The following A2M variants were observed in gnomAD, a reference collection of about 807,000 sequenced individuals.
A2M encodes alpha-2-macroglobulin.
A2M carries 128 observed loss-of-function variants against 183.9 expected under a neutral mutation model. The ratio of observed to expected loss-of-function variants is 0.70; its 90% CI spans 0.60 to 0.81. The LOEUF (loss-of-function observed/expected upper bound fraction) is 0.81. Among genes scored for constraint, A2M ranks in the 30% least tolerant of loss-of-function variants. The probability of loss-of-function intolerance (pLI) is 0.00; values close to 1 mark genes in which losing one functional copy is unlikely to be tolerated. For missense variants in A2M, 1,495 were observed against 1,787.6 expected (o/e 0.84, Z 2.95); for synonymous variants, 592 against 670.8 (o/e 0.88, Z 1.81).
chr12:9,111,684 A>G (rs905021497), intron 4 of A2M, among the ~76,000 whole-genome samples: 1 of 152,176 alleles, frequency 6.6e-6, no homozygotes, highest in Non-Finnish European at 1.5e-5. Context: ...AGAAAAATGA[A>G]GACTTTGGGT....
At chr12:9,102,727 A>G (rs1592380683) in intron 11 of A2M, among the ~76,000 whole-genome samples, 1 of 152,208 alleles carries the variant, frequency 6.6e-6, no homozygotes, top group East Asian at 1.9e-4. Flanking sequence ...GTGACAACAC[A>G]TATATGATCA....
intron 28 of A2M, among the ~76,000 whole-genome samples, chr12:9,075,123 A>T (rs1411217236): frequency 2.0e-5 from 3 of 152,212 alleles, no homozygotes; most frequent in African/African-American, 4.8e-5. Context: ...AGTTTGTTAC[A>T]TTTCCTATAA....
chr12:9,079,952 T>C (rs762881776), intron 23 of A2M, 137 bp from the exon 24 acceptor site: 6 of 1,016,760 alleles, frequency 5.9e-6, no homozygotes, highest in Non-Finnish European at 6.9e-6. Flanking sequence ...AGAAGTATGA[T>C]TGAAAGCAAT....
chr12:9,077,692 A>G lies in A2M; in HGVS notation c.3276+9T>C. On this transcript the variant is annotated intron_variant, in intron 26 of 35. Transcript: ENST00000318602. ...TGGACAAATCAAAACTAGCTCCAGA[A>G]TGATTCACCTTTATGGCATTGTTGA... The G allele has an allele frequency of 1.2e-6, 2 of 1,613,150 alleles. No individual in the cohort carries two copies. The highest frequency in any genetic ancestry group is 1.1e-5 in the South Asian group (1 of 91,006).
chr12:9,079,585 G>C lies in A2M; in HGVS notation c.3031+54C>G, dbSNP rs1292329890. On this transcript the variant is annotated intron_variant, in intron 24 of 35. Transcript: ENST00000318602. ...ATTCATAAGTAACTGAAACCTACTGGGAAATCCAGTTGAAATAACATTCAA... is the reference window on the plus strand; with the variant it reads ...ATTCATAAGTAACTGAAACCTACTGCGAAATCCAGTTGAAATAACATTCAA... The C allele has an allele frequency of 2.7e-5, 42 of 1,528,060 alleles. No homozygotes were observed. In the Admixed American group the frequency reaches 7.3e-4, roughly 27 times the overall value. 94.7% of individuals were successfully genotyped at this position (1,528,060 alleles called of 1,614,324 possible).
Position 9,070,432 on chromosome 12 carries a change from G to A in A2M, c.4194+56C>T, listed in dbSNP as rs113042539. 3.7e-3 allele frequency: 4,288 copies of A among 1,150,720 alleles called. 117 individuals are homozygous for A. In the African/African-American group the frequency reaches 0.058, roughly 16 times the overall value. 71.3% of individuals were successfully genotyped at this position (1,150,720 alleles called of 1,614,324 possible). A position where few individuals can be genotyped will look rare whatever the true frequency, so the allele number is the denominator to read the frequency against. On this transcript the variant is annotated intron_variant, in intron 32 of 35. Coordinates refer to ENST00000318602, the MANE Select transcript of A2M (RefSeq NM_000014.6). ...TTTGATATTAGTATTGTCTTATGCTGGGGATACATACATCATTAAATAAAA... is the reference window on the plus strand; with the variant it reads ...TTTGATATTAGTATTGTCTTATGCTAGGGATACATACATCATTAAATAAAA...
chr12:9,113,523 G>A lies in A2M; in HGVS notation c.107C>T (p.Pro36Leu). 6.2e-7 allele frequency: 1 copy of A among 1,613,856 alleles called. No homozygotes were observed. The highest frequency in any genetic ancestry group is 8.5e-7 in the Non-Finnish European group (1 of 1,179,904). Residue 36 changes from proline (P) to leucine (L), a missense_variant, in exon 2 of 36, where the codon CCC becomes CTC. By Grantham distance (98) the Pro-to-Leu change is moderately conservative. Coordinates refer to ENST00000318602, the MANE Select transcript of A2M (RefSeq NM_000014.6). The stretch of plus-strand genomic sequence containing the variant: ...AGTGGTCTCAGTGTGGAGCAGGGAG[G>A]GGACCAGAACCATATACTGCCTGGG... Reference protein sequence around the residue: ...SGKPQYMVLVPSLLHTETTEK... With the variant: ...SGKPQYMVLVLSLLHTETTEK...
intron 10 of A2M, 133 bp from the exon 11 acceptor site, chr12:9,104,533 A>AC: frequency 1.1e-6 from 1 of 919,706 alleles, no homozygotes; most frequent in Non-Finnish European, 1.6e-6. Context: ...AGCAGTGAAA[A>AC]AAAACGAAGT....
intron 11 of A2M, among the ~76,000 whole-genome samples, chr12:9,102,373 C>T (rs1262816627): frequency 6.6e-6 from 1 of 152,072 alleles, no homozygotes; most frequent in Non-Finnish European, 1.5e-5. Context: ...TGCCACCCCA[C>T]CCAGCTAATT....
intron 18 of A2M, among the ~76,000 whole-genome samples, chr12:9,091,774 G>C (rs190176108): frequency 6.6e-6 from 1 of 152,318 alleles, no homozygotes; most frequent in Non-Finnish European, 1.5e-5. Context: ...TAGTGGGCCT[G>C]ACTGAATCTG....
chr12:9,090,641 C>T (rs1441396080), intron 19 of A2M, 159 bp from the exon 20 acceptor site: 4 of 707,300 alleles, frequency 5.7e-6, no homozygotes, highest in Non-Finnish European at 9.0e-6. Flanking sequence ...TTAAGTGGAT[C>T]TTAATGTATC....
At position 9,074,087 on chromosome 12, in the gene A2M, TA is replaced by T. The variant is rs3080599; in HGVS notation, c.3756+472del. 9.1e-3 allele frequency among the ~76,000 whole-genome samples: 1,198 copies of T among 131,552 alleles called. 12 individuals carry two copies. The highest frequency in any genetic ancestry group is 0.022 in the African/African-American group (793 of 35,592). 86.3% of individuals were successfully genotyped at this position (131,552 alleles called of 152,430 possible). On this transcript the variant is annotated intron_variant, in intron 29 of 35. Coordinates refer to ENST00000318602, the MANE Select transcript of A2M (RefSeq NM_000014.6). Reference sequence around the variant, plus strand: ...TAGGTGACAGAGCAAGACTCTGTCTTAAAAAAAAAAAAAAAAAAAAGGTGAA... The same window carrying T: ...TAGGTGACAGAGCAAGACTCTGTCTTAAAAAAAAAAAAAAAAAAAGGTGAA...
At chr12:9,108,972 C>T (rs187182410) in intron 7 of A2M, among the ~76,000 whole-genome samples, 17 of 152,204 alleles carry the variant, frequency 1.1e-4, no homozygotes, top group Admixed American at 3.3e-4. Flanking sequence ...CCCTAATATA[C>T]GTTTGGTTAT....
At position 9,094,977 on chromosome 12, in the gene A2M, A is replaced by T; in HGVS notation, c.2121T>A (p.Phe707Leu). ...MHGPEGLRVG[F>L]YESDVMGRGH... ...ATTTATTAATTTTTTGTTTACCATA[A>T]AAACCTACACGTAGACCTTCAGGTC... Residue 707 changes from phenylalanine (F) to leucine (L), a missense_variant, in exon 17 of 36, where the codon TTT (phenylalanine) becomes TTA (leucine). Physicochemically the swap from Phe to Leu is conservative, Grantham distance 22 (BLOSUM62 0). Transcript: ENST00000318602. 1 of 1,527,014 alleles carries T rather than the reference A, an allele frequency of 6.5e-7. No homozygotes were observed. Among genetic ancestry groups the T allele is most frequent in the Non-Finnish European group, 8.8e-7 (1 of 1,134,786 alleles). 94.6% of individuals were successfully genotyped at this position (1,527,014 alleles called of 1,614,324 possible).
intron 31 of A2M, among the ~76,000 whole-genome samples, chr12:9,070,890 G>A (rs1006100505): frequency 2.0e-5 from 3 of 150,626 alleles, no homozygotes; most frequent in African/African-American, 7.4e-5. Flanking sequence ...GCATGATTTC[G>A]GCTCACCGCA....
rs1938395571 is a variant in A2M at position 9,107,620 on chromosome 12, A to G, written c.783T>C (p.Pro261=). ...CGLYTYGKPV[P]GHVTVSICRK... ...TGCAAATGCTCACAGTCACATGTCC[A>G]GGGACAGGCTTCCCATATGTGTATC... The change falls in exon 8 of 36, where the codon CCT becomes CCC. Residue 261 remains proline (P), a synonymous_variant. Coordinates refer to ENST00000318602, the MANE Select transcript of A2M (RefSeq NM_000014.6). 1 of 1,613,984 alleles carries G rather than the reference A, an allele frequency of 6.2e-7. No individual in the cohort carries two copies. Among genetic ancestry groups the G allele is most frequent in the Non-Finnish European group, 8.5e-7 (1 of 1,179,894 alleles).
Position 9,067,814 on chromosome 12 carries a change from T to C in A2M, c.*9A>G. Reference sequence around the variant, plus strand: ...GACTCCAGCAAAGCACTTTTCAGCCTTGTGGTCTTCAAGCATTTCCAAGAT... The same window carrying C: ...GACTCCAGCAAAGCACTTTTCAGCCCTGTGGTCTTCAAGCATTTCCAAGAT... On this transcript the variant is annotated 3_prime_UTR_variant, in exon 36 of 36. Coordinates refer to ENST00000318602, the MANE Select transcript of A2M (RefSeq NM_000014.6). 6.2e-7 allele frequency: 1 copy of C among 1,612,700 alleles called. No individual in the cohort carries two copies.
chr12:9,106,401 C>T (rs1938287020), intron 9 of A2M, 56 bp from the exon 10 acceptor site: 3 of 1,457,000 alleles, frequency 2.1e-6, no homozygotes, highest in Admixed American at 1.8e-5. Flanking sequence ...CTCTAAAATT[C>T]TATCACCTCC....
Position 9,076,936 on chromosome 12 carries a change from G to A in A2M, c.3352C>T (p.His1118Tyr). Residue 1118 changes from histidine (H) to tyrosine (Y), a missense_variant and splice_region_variant, in exon 28 of 36, where the codon CAC becomes TAC. His to Tyr is a moderately conservative substitution (Grantham distance 83, BLOSUM62 2). Coordinates refer to ENST00000318602, the MANE Select transcript of A2M (RefSeq NM_000014.6). ...AACAGGGCATTGCGGACAACAGGGT[G>A]CTGTGAAGGCAGAACAAGAAGGGAA... is the stretch of plus-strand genomic sequence containing the variant. ...ALLEIPLTVT[H>Y]PVVRNALFCL... 6.3e-7 allele frequency: 1 copy of A among 1,576,094 alleles called. No individual in the cohort carries two copies. Among genetic ancestry groups the A allele is most frequent in the Non-Finnish European group, 8.6e-7 (1 of 1,160,632 alleles).
Sources: allele counts gnomAD v4.1 joint callset (sites outside exome capture counted in the v4.1 genomes callset), GRCh38; gene constraint gnomAD v4.1.1; transcripts MANE v1.5; gene names NCBI Gene and HGNC (gene_info 2026-07-23, HGNC 2026-07-21).